Variants in IL1RAPL1 observed in about 807,000 individuals in gnomAD.
IL1RAPL1 encodes the protein interleukin 1 receptor accessory protein like 1.
Under a neutral mutation model 48.4 loss-of-function variants are expected in IL1RAPL1, and 3 were observed. The ratio of observed to expected loss-of-function variants is 0.06; its 90% CI spans 0.03 to 0.16. The LOEUF (loss-of-function observed/expected upper bound fraction) is 0.16. Ranked by LOEUF, IL1RAPL1 falls within the 10% of genes least tolerant of loss-of-function variation. The pLI, the probability that IL1RAPL1 is intolerant of heterozygous loss-of-function variation, is 1.00. For missense variants in IL1RAPL1, 349 were observed against 530.6 expected, an observed-to-expected ratio of 0.66 and a Z score of 3.36; for synonymous variants, 185 against 187.7, an observed-to-expected ratio of 0.99 and a Z score of 0.12.
At chrX:29,530,524 A>G (rs755811579) in intron 5 of IL1RAPL1, among the ~76,000 whole-genome samples, 10 of 112,025 alleles carry the variant, frequency 8.9e-5, no homozygotes, top group African/African-American at 2.6e-4. Flanking sequence ...GTATTTGTAC[A>G]CTGACCCCCA....
At chrX:29,403,056 C>T (rs924356680) in intron 5 of IL1RAPL1, among the ~76,000 whole-genome samples, 1 of 111,577 alleles carries the variant, frequency 9.0e-6, no homozygotes, top group Non-Finnish European at 1.9e-5. Flanking sequence ...GTCATCCATG[C>T]TATATGTCAT....
chrX:28,784,115 T>G (rs956187136), intron 1 of IL1RAPL1, among the ~76,000 whole-genome samples: 4 of 112,390 alleles, frequency 3.6e-5, no homozygotes, highest in African/African-American at 9.7e-5. Context: ...TCCCTGTGAC[T>G]AATTGTAAAT....
chrX:29,459,868 C>G (rs912309441), intron 5 of IL1RAPL1, among the ~76,000 whole-genome samples: 3 of 111,689 alleles, frequency 2.7e-5, no homozygotes, highest in African/African-American at 9.8e-5. Flanking sequence ...ACTTATTTCT[C>G]TTATCTAAGT....
chrX:29,004,807 G>A (rs1045222490), intron 2 of IL1RAPL1, among the ~76,000 whole-genome samples: 1 of 111,327 alleles, frequency 9.0e-6, no homozygotes, highest in Admixed American at 9.6e-5. Context: ...GCTGTTTTGA[G>A]GCTTGATTGT....
chrX:29,597,149 A>ATTTTTTTTTTTTTTTTTTTTT (rs35180262), intron 5 of IL1RAPL1, among the ~76,000 whole-genome samples: 1 of 55,942 alleles, frequency 1.8e-5, no homozygotes, highest in African/African-American at 6.7e-5. Context: ...TTTGTTGAGG[A>ATTTTTTTTTTTTTTTTTTTTT]TTTTTTTTTT....
chrX:29,480,800 C>T (rs1935034879), intron 5 of IL1RAPL1, among the ~76,000 whole-genome samples: 1 of 110,413 alleles, frequency 9.1e-6, no homozygotes, highest in African/African-American at 3.3e-5. Flanking sequence ...TTATATAGTA[C>T]ATAATAGTTA....
rs1418055580 is a variant in IL1RAPL1, at chrX:29,903,455, TC to T, written c.779-14007del. 6.3e-5 allele frequency among the ~76,000 whole-genome samples: 7 copies of T among 111,524 alleles called. No individual in the cohort carries two copies. In the Admixed American group the frequency reaches 6.7e-4, roughly 11 times the overall value. ...AGTTAAGAACAAAATGCTCACTGTT[TC>T]CTAATTGCAAAGAGTAAAATGTCTG... On this transcript the variant is annotated intron_variant, in intron 6 of 10. Transcript: ENST00000378993.
rs191115162 is a variant in IL1RAPL1 at position 29,644,833 on chromosome X, C to T, written c.704-23597C>T. Among the ~76,000 whole-genome samples, 265 of 112,631 alleles carry T rather than the reference C, an allele frequency of 2.4e-3. 1 individual carries two copies. Among genetic ancestry groups the T allele is most frequent in the African/African-American group, 8.1e-3 (250 of 31,049 alleles). The stretch of plus-strand genomic sequence containing the variant: ...CCTTCTGCCTTGGCTTCCATAAATG[C>T]AGTGATTACAGGCAAGAGCCACCAC... On this transcript the variant is annotated intron_variant, in intron 5 of 10. Coordinates refer to ENST00000378993, the MANE Select transcript of IL1RAPL1 (RefSeq NM_014271.4).
intron 2 of IL1RAPL1, among the ~76,000 whole-genome samples, chrX:29,201,045 C>T (rs1243364185): frequency 9.0e-6 from 1 of 110,954 alleles, no homozygotes. Flanking sequence ...GGGAATTTTT[C>T]ATTCACTCTT....
chrX:29,123,597 A>G (rs1463723339), intron 2 of IL1RAPL1, among the ~76,000 whole-genome samples: 1 of 112,142 alleles, frequency 8.9e-6, no homozygotes, highest in African/African-American at 3.2e-5. Context: ...TCATTATAGC[A>G]TGATTTTTTT....
At chrX:29,909,031 G>T (rs1932708192) in intron 6 of IL1RAPL1, among the ~76,000 whole-genome samples, 1 of 111,249 alleles carries the variant, frequency 9.0e-6, no homozygotes, top group Admixed American at 9.6e-5. Context: ...ACATCTCATT[G>T]CTTTGTTATA....
intron 5 of IL1RAPL1, among the ~76,000 whole-genome samples, chrX:29,458,790 G>C (rs1805191129): frequency 2.7e-5 from 3 of 109,424 alleles, no homozygotes; most frequent in Non-Finnish European, 3.8e-5. Flanking sequence ...CTGGGCTCAA[G>C]TGATCCTCCT....
intron 9 of IL1RAPL1, among the ~76,000 whole-genome samples, chrX:29,945,422 C>T (rs1933197758): frequency 8.9e-6 from 1 of 112,314 alleles, no homozygotes; most frequent in African/African-American, 3.2e-5. Flanking sequence ...CTTCTTTATT[C>T]ATGGCTATCA....
intron 2 of IL1RAPL1, among the ~76,000 whole-genome samples, chrX:29,228,725 A>G (rs750758367): frequency 9.0e-6 from 1 of 111,377 alleles, no homozygotes; most frequent in Non-Finnish European, 1.9e-5. Flanking sequence ...TTTTTCTTTT[A>G]TTTAAACAGT....
intron 2 of IL1RAPL1, among the ~76,000 whole-genome samples, chrX:28,893,556 C>T (rs1324451332): frequency 9.0e-6 from 1 of 111,416 alleles, no homozygotes; most frequent in Non-Finnish European, 1.9e-5. Context: ...TTTTAGTTTC[C>T]TGACTCGGGG....
intron 6 of IL1RAPL1, among the ~76,000 whole-genome samples, chrX:29,780,781 T>A (rs1363924769): frequency 9.0e-6 from 1 of 111,717 alleles, no homozygotes; most frequent in Non-Finnish European, 1.9e-5. Flanking sequence ...GCTAGCATTA[T>A]AAATAATAAT....
At chrX:29,555,076 C>A (rs1220755751) in intron 5 of IL1RAPL1, among the ~76,000 whole-genome samples, 1 of 112,694 alleles carries the variant, frequency 8.9e-6, no homozygotes, top group Non-Finnish European at 1.9e-5. Flanking sequence ...ACAGGCCCTG[C>A]CAGACCACCT....
chrX:29,827,199 A>C (rs1930757087), intron 6 of IL1RAPL1, among the ~76,000 whole-genome samples: 1 of 112,219 alleles, frequency 8.9e-6, no homozygotes, highest in Non-Finnish European at 1.9e-5. Flanking sequence ...CCTGGACCAC[A>C]CTTTGAGAAC....
chrX:29,306,750 A>G (rs1298951352), intron 3 of IL1RAPL1, among the ~76,000 whole-genome samples: 3 of 102,048 alleles, frequency 2.9e-5, no homozygotes, highest in African/African-American at 1.1e-4. Flanking sequence ...AGTCCCAGCT[A>G]CTTGGGAGGC....
Sources: gnomAD v4.1 joint callset for allele counts (sites outside exome capture counted in the v4.1 genomes callset) on GRCh38, gnomAD v4.1.1 for gene constraint, MANE v1.5 for transcripts, NCBI Gene and HGNC (gene_info 2026-07-23, HGNC 2026-07-21) for gene names.